Variants in TSPAN18 observed in about 807,000 individuals in gnomAD.
The protein encoded by TSPAN18 is tetraspanin 18.
A neutral mutation model predicts 27.3 loss-of-function variants in TSPAN18; 14 were observed. The ratio of observed to expected loss-of-function variants is 0.51; its 90% CI spans 0.34 to 0.80. The LOEUF (loss-of-function observed/expected upper bound fraction) is 0.80, where lower values mean the gene tolerates loss of function less well. TSPAN18 is among the 30% of genes least tolerant of loss of function. The pLI, the probability that TSPAN18 is intolerant of heterozygous loss-of-function variation, is 0.01. For missense variants in TSPAN18, 268 were observed against 323.9 expected (o/e 0.83, Z 1.32); for synonymous variants, 143 against 136.5 (o/e 1.05, Z -0.33).
chr11:44,744,320 G>A (rs931518871), intron 1 of TSPAN18, among the ~76,000 whole-genome samples: 3 of 152,248 alleles, frequency 2.0e-5, no homozygotes, highest in African/African-American at 7.2e-5. Flanking sequence ...CTGCAGTCTT[G>A]TCTCAGCCTG....
chr11:44,863,950 G>A (rs926705846), intron 3 of TSPAN18, among the ~76,000 whole-genome samples: 6 of 152,008 alleles, frequency 3.9e-5, no homozygotes, highest in African/African-American at 1.2e-4. Context: ...TAACTCTGTG[G>A]GAGTCTTCAG....
chr11:44,818,927 A>G (rs1473369054), intron 2 of TSPAN18, among the ~76,000 whole-genome samples: 1 of 152,122 alleles, frequency 6.6e-6, no homozygotes, highest in Non-Finnish European at 1.5e-5. Flanking sequence ...CAAATGGCCT[A>G]GGTGATCTCT....
At chr11:44,809,332 G>A (rs1856666407) in intron 2 of TSPAN18, among the ~76,000 whole-genome samples, 1 of 151,886 alleles carries the variant, frequency 6.6e-6, no homozygotes, top group African/African-American at 2.4e-5. Context: ...CTGAAGCTGG[G>A]GCACAAGCTT....
intron 2 of TSPAN18, among the ~76,000 whole-genome samples, chr11:44,807,262 C>T (rs1230305728): frequency 7.1e-6 from 1 of 141,604 alleles, no homozygotes; most frequent in Non-Finnish European, 1.5e-5. Flanking sequence ...GGCACCGTGG[C>T]TCATGCCTAT....
At chr11:44,817,516 G>A (rs1001569431) in intron 2 of TSPAN18, among the ~76,000 whole-genome samples, 11 of 152,292 alleles carry the variant, frequency 7.2e-5, no homozygotes, top group East Asian at 3.9e-4. Context: ...TTTATGCTGC[G>A]ACTTAGGCTG....
chr11:44,912,399 GTC>G (rs1241343765), intron 5 of TSPAN18, among the ~76,000 whole-genome samples: 1 of 151,082 alleles, frequency 6.6e-6, no homozygotes, highest in African/African-American at 2.4e-5. Context: ...CCGTTTCCCT[GTC>G]TCTCTCTCCA....
Position 44,930,484 on chromosome 11 carries a change from A to T in TSPAN18, c.*1306A>T. On this transcript the variant is annotated 3_prime_UTR_variant, in exon 10 of 10. Transcript: ENST00000520358. Reference sequence around the variant, plus strand: ...GAGCCCTCTTCTCTCCAGGCTAAAGAATCCCGAAGGCATCGAGGCCATTTC... The same window carrying T: ...GAGCCCTCTTCTCTCCAGGCTAAAGTATCCCGAAGGCATCGAGGCCATTTC... 1 of 236,180 alleles carries T rather than the reference A, an allele frequency of 4.2e-6. No individual in the cohort carries two copies. Among genetic ancestry groups the T allele is most frequent in the South Asian group, 5.2e-5 (1 of 19,318 alleles). The allele number at this position is 236,180 out of a possible 1,614,324, so 14.6% of individuals were successfully genotyped here.
chr11:44,776,846 G>A (rs1052947307), intron 2 of TSPAN18, among the ~76,000 whole-genome samples: 5 of 152,212 alleles, frequency 3.3e-5, no homozygotes, highest in Non-Finnish European at 7.3e-5. Context: ...AGTGTGTCTA[G>A]TTTCACCATG....
chr11:44,819,294 G>A (rs550523627), intron 2 of TSPAN18, among the ~76,000 whole-genome samples: 1 of 152,144 alleles, frequency 6.6e-6, no homozygotes, highest in African/African-American at 2.4e-5. Context: ...GAGAGGAGCC[G>A]GTAATTATAG....
At chr11:44,731,633 T>TGTGTGA (rs139154582) in intron 1 of TSPAN18, among the ~76,000 whole-genome samples, 133 of 107,426 alleles carry the variant, frequency 1.2e-3, no homozygotes, top group South Asian at 3.0e-3. Flanking sequence ...TGTGTGTGTG[T>TGTGTGA]GAGAGAGAGA....
intron 9 of TSPAN18, 108 bp from the exon 10 acceptor site, chr11:44,929,023 T>G (rs1590710988): frequency 3.0e-6 from 4 of 1,351,038 alleles, no homozygotes; most frequent in Admixed American, 1.7e-5. Context: ...AGGGGAGGAG[T>G]GTGCTAAGAG....
intron 5 of TSPAN18, among the ~76,000 whole-genome samples, chr11:44,915,364 G>T (rs1342078039): frequency 6.6e-6 from 1 of 152,128 alleles, no homozygotes. Context: ...CAGCCACTGA[G>T]CCCAGAGCCC....
At chr11:44,819,839 G>A (rs771166291) in intron 2 of TSPAN18, among the ~76,000 whole-genome samples, 5 of 151,930 alleles carry the variant, frequency 3.3e-5, no homozygotes, top group Non-Finnish European at 7.4e-5. Context: ...CAGAGCCTGA[G>A]CCAATGGCTT....
In TSPAN18 at chr11:44,919,887, A is replaced by G. The variant is rs1053603654; in HGVS notation, c.503A>G (p.Asp168Gly). Reference sequence around the variant, plus strand: ...TCTGTGTTTCGACTCCTGACCCTGGATAGTGAAGAGGTGCCGGAGGCCTGC... The same window carrying G: ...TCTGTGTTTCGACTCCTGACCCTGGGTAGTGAAGAGGTGCCGGAGGCCTGC... ...FASVFRLLTL[D>G]SEEVPEACCR... Residue 168 changes from aspartate (D) to glycine (G), a missense_variant, in exon 8 of 10, where the codon GAT becomes GGT. Transcript: ENST00000520358. The G allele has an allele frequency of 1.2e-6, 2 of 1,614,112 alleles. No individual in the cohort carries two copies. Among genetic ancestry groups the G allele is most frequent in the African/African-American group, 2.7e-5 (2 of 74,940 alleles).
At chr11:44,894,251 T>A (rs1665139) in intron 3 of TSPAN18, among the ~76,000 whole-genome samples, 1 of 152,110 alleles carries the variant, frequency 6.6e-6, no homozygotes, top group Admixed American at 6.5e-5. Context: ...CTCAGGCTTA[T>A]GGCTGGCACA....
At chr11:44,871,982 G>A (rs1404436859) in intron 3 of TSPAN18, among the ~76,000 whole-genome samples, 1 of 152,088 alleles carries the variant, frequency 6.6e-6, no homozygotes, top group African/African-American at 2.4e-5. Context: ...GGAGTGCAGT[G>A]ACACAATCTC....
At chr11:44,770,343 A>T (rs1425732185) in intron 2 of TSPAN18, among the ~76,000 whole-genome samples, 1 of 152,122 alleles carries the variant, frequency 6.6e-6, no homozygotes, top group Admixed American at 6.5e-5. Context: ...TCCTAATCAG[A>T]TGTAATTTGA....
chr11:44,861,007 A>G (rs1044753603), intron 3 of TSPAN18, among the ~76,000 whole-genome samples: 2 of 152,166 alleles, frequency 1.3e-5, no homozygotes, highest in African/African-American at 2.4e-5. Flanking sequence ...CCAAATATAT[A>G]TATTCCAAAT....
intron 3 of TSPAN18, among the ~76,000 whole-genome samples, chr11:44,883,610 C>T (rs1356108360): frequency 6.6e-6 from 1 of 152,204 alleles, no homozygotes; most frequent in East Asian, 1.9e-4. Flanking sequence ...TGATGTGTTC[C>T]CAGAGAAGCC....
Sources: allele counts gnomAD v4.1 joint callset (sites outside exome capture counted in the v4.1 genomes callset), GRCh38; gene constraint gnomAD v4.1.1; transcripts MANE v1.5; gene names NCBI Gene and HGNC (gene_info 2026-07-23, HGNC 2026-07-21).